Variants in PSORS1C1 observed in about 807,000 individuals in gnomAD.
The protein encoded by PSORS1C1 is psoriasis susceptibility 1 candidate gene 1 protein.
Under a neutral mutation model 9.4 loss-of-function variants are expected in PSORS1C1, and 7 were observed. The observed-to-expected ratio is 0.75, with a 90% confidence interval of 0.42 to 1.40. The LOEUF is 1.40. Among genes scored for constraint, PSORS1C1 ranks in the 40% most tolerant of loss-of-function variants. PSORS1C1 has a pLI of 0.01. For missense variants in PSORS1C1, 146 were observed against 178.1 expected (o/e 0.82, Z 1.02); for synonymous variants, 63 against 69.4 (o/e 0.91, Z 0.46).
At chr6:31,137,826 C>A in intron 3 of PSORS1C1, 1 of 466,830 alleles carries the variant, frequency 2.1e-6, no homozygotes. Flanking sequence ...CAGAATAAAA[C>A]CGAGGGAATG....
chr6:31,116,706 A>C, intron 1 of PSORS1C1: 1 of 1,612,798 alleles, frequency 6.2e-7, no homozygotes, highest in Non-Finnish European at 8.5e-7. Flanking sequence ...GATAACTGTC[A>C]GAGGAGCCAC....
chr6:31,132,822 C>T, intron 3 of PSORS1C1, among the ~76,000 whole-genome samples: 1 of 151,232 alleles, frequency 6.6e-6, no homozygotes, highest in East Asian at 1.9e-4. Flanking sequence ...GCACTTTAGC[C>T]TGGGTGACAG....
At chr6:31,116,235 C>T in intron 1 of PSORS1C1, 2 of 1,614,008 alleles carry the variant, frequency 1.2e-6, no homozygotes, top group Non-Finnish European at 1.7e-6. Flanking sequence ...AGGAGACAGA[C>T]ATGCAAGGGT....
At chr6:31,136,548 G>A (rs1374932082) in intron 3 of PSORS1C1, among the ~76,000 whole-genome samples, 1 of 152,104 alleles carries the variant, frequency 6.6e-6, no homozygotes, top group Admixed American at 6.6e-5. Context: ...ATATTAATCT[G>A]GAAACTGATT....
At chr6:31,127,643 A>G (rs6932221) in intron 2 of PSORS1C1, among the ~76,000 whole-genome samples, 36,561 of 150,566 alleles carry the variant, frequency 0.24, 4,806 homozygotes, top group Middle Eastern at 0.38. Context: ...ATGAAACCCC[A>G]TCTCTACTAA....
At chr6:31,121,195 G>T (rs1316641811) in intron 1 of PSORS1C1, among the ~76,000 whole-genome samples, 1 of 151,976 alleles carries the variant, frequency 6.6e-6, no homozygotes, top group Non-Finnish European at 1.5e-5. Context: ...GGGAGCCAGG[G>T]CTCAGCCAGG....
intron 2 of PSORS1C1, among the ~76,000 whole-genome samples, chr6:31,127,561 A>ATTTATTATTATT (rs1772733359): frequency 7.1e-6 from 1 of 141,590 alleles, no homozygotes; most frequent in African/African-American, 2.6e-5. Context: ...AGGAGACAGG[A>ATTTATTATTATT]ATTATTATTA....
chr6:31,128,283 G>C lies in PSORS1C1; in HGVS notation c.-64-1286G>C, dbSNP rs1469716237. On this transcript the variant is annotated intron_variant, in intron 2 of 5. Coordinates refer to ENST00000259881, the MANE Select transcript of PSORS1C1 (RefSeq NM_014068.3). This position sits in a 1 kb window ranked among gnomAD's most constrained non-coding sequence, Gnocchi z 4.3. ...GGAAAACACCTGAGAGGAGTCTCTA[G>C]GCTGCCCTCTGGTGGCAGTTCTTGG... 6.6e-6 allele frequency among the ~76,000 whole-genome samples: 1 copy of C among 151,978 alleles called. No individual in the cohort carries two copies. The highest frequency in any genetic ancestry group is 1.5e-5 in the Non-Finnish European group (1 of 67,972).
chr6:31,127,820 A>ACACAC (rs28728471), intron 2 of PSORS1C1, among the ~76,000 whole-genome samples: 3 of 150,598 alleles, frequency 2.0e-5, no homozygotes, highest in East Asian at 2.0e-4. Flanking sequence ...GTCTCAAAAA[A>ACACAC]ACACACATAC....
chr6:31,138,551 C>A, intron 4 of PSORS1C1, 92 bp downstream of exon 4: 1 of 1,606,196 alleles, frequency 6.2e-7, no homozygotes. Flanking sequence ...TTTAAACTGA[C>A]CAGACTTCTC....
rs3834326 is a variant in PSORS1C1 at position 31,122,472 on chromosome 6, AC to A, written c.-228-3202del. 1.2e-3 allele frequency among the ~76,000 whole-genome samples: 176 copies of A among 152,222 alleles called. 6 individuals carry two copies. In the East Asian group the frequency reaches 0.033, roughly 29 times the overall value. On this transcript the variant is annotated intron_variant, in intron 1 of 5. Coordinates refer to ENST00000259881, the MANE Select transcript of PSORS1C1 (RefSeq NM_014068.3). The stretch of plus-strand genomic sequence containing the variant: ...GCAGGCACAAATGTGAGACAGAGAT[AC>A]CATTTAAAGTGATGCTGCTCGGCTG...
At position 31,138,637 on chromosome 6, in the gene PSORS1C1, G is replaced by A. The variant is rs772151269; in HGVS notation, c.44-19G>A. The stretch of plus-strand genomic sequence containing the variant: ...CAGGCCAACCTGCAACCCAAAGTGG[G>A]TTACACCTTGGCCCCCAGGCACACA... On this transcript the variant is annotated intron_variant, in intron 4 of 5. Coordinates refer to ENST00000259881, the MANE Select transcript of PSORS1C1 (RefSeq NM_014068.3). The A allele has an allele frequency of 2.5e-6, 4 of 1,612,964 alleles. No homozygotes were observed. Among genetic ancestry groups the A allele is most frequent in the African/African-American group, 1.3e-5 (1 of 74,966 alleles).
intron 3 of PSORS1C1, among the ~76,000 whole-genome samples, chr6:31,131,375 C>T (rs1268897458): frequency 6.6e-6 from 1 of 151,892 alleles, no homozygotes; most frequent in Non-Finnish European, 1.5e-5. Context: ...TGGTGGATCA[C>T]GAGGTCGGGA....
chr6:31,117,233 C>A (rs1257386235), intron 1 of PSORS1C1: 17 of 1,613,306 alleles, frequency 1.1e-5, no homozygotes, highest in Non-Finnish European at 1.4e-5. Flanking sequence ...GAACCGGATG[C>A]ACCTTGTAGA....
chr6:31,120,478 C>T, intron 1 of PSORS1C1: 1 of 1,362,482 alleles, frequency 7.3e-7, no homozygotes, highest in Non-Finnish European at 1.0e-6. Context: ...TCCTTTATGC[C>T]AGAGCTGGAC....
At chr6:31,133,640 G>T (rs1368612621) in intron 3 of PSORS1C1, 1 of 152,234 alleles carries the variant, frequency 6.6e-6, no homozygotes, top group African/African-American at 2.4e-5. Flanking sequence ...TTACTGCCAA[G>T]GCTATTACGT....
Position 31,115,771 on chromosome 6 carries a change from G to A in PSORS1C1, c.-229+880G>A, listed in dbSNP as rs909286721. On this transcript the variant is annotated intron_variant, in intron 1 of 5. Transcript: ENST00000259881. The surrounding 1 kb of genome is among the most constrained non-coding windows in gnomAD (Gnocchi z 4.2). ...TGGTGATCTGGCTGAGGGGCACTGT[G>A]GTGGAATGGGAATTTAAACAGTAGG... The A allele has an allele frequency of 2.9e-5, 16 of 553,162 alleles. No homozygotes were observed. Among genetic ancestry groups the A allele is most frequent in the Non-Finnish European group, 4.8e-5 (15 of 311,562 alleles). 34.3% of individuals were successfully genotyped at this position (553,162 alleles called of 1,614,324 possible).
chr6:31,127,732 T>C (rs1772744360), intron 2 of PSORS1C1, among the ~76,000 whole-genome samples: 1 of 151,930 alleles, frequency 6.6e-6, no homozygotes. Context: ...GAGAATCACT[T>C]GAACCCGGGA....
rs766734347 is a variant in PSORS1C1 at position 31,115,194 on chromosome 6, C to T, written c.-229+303C>T. The T allele has an allele frequency of 1.9e-5, 6 of 322,436 alleles. No homozygotes were observed. Among genetic ancestry groups the T allele is most frequent in the Non-Finnish European group, 3.6e-5 (6 of 166,430 alleles). The allele number at this position is 322,436 out of a possible 1,614,324, so 20.0% of individuals were successfully genotyped here. ...GAAGGAAAATGAGGAACACAGAGACCTCTAGAGGCGTAGGAAGAGCACCAC... is the reference window on the plus strand; with the variant it reads ...GAAGGAAAATGAGGAACACAGAGACTTCTAGAGGCGTAGGAAGAGCACCAC... On this transcript the variant is annotated intron_variant, in intron 1 of 5. Coordinates refer to ENST00000259881, the MANE Select transcript of PSORS1C1 (RefSeq NM_014068.3). The surrounding 1 kb of genome is among the most constrained non-coding windows in gnomAD (Gnocchi z 4.2).
Sources: allele counts gnomAD v4.1 joint callset (sites outside exome capture counted in the v4.1 genomes callset), GRCh38; gene constraint gnomAD v4.1.1; non-coding constraint Gnocchi (gnomAD v3.1); transcripts MANE v1.5; gene names NCBI Gene and HGNC (gene_info 2026-07-23, HGNC 2026-07-21).